NAV2: variants seen among roughly 807,000 people sequenced by gnomAD.
The protein encoded by NAV2 is neuron navigator 2, also known as helicase, APC down-regulated 1.
A neutral mutation model predicts 223.2 loss-of-function variants in NAV2; 54 were observed. That is an observed-to-expected ratio of 0.24 (90% CI 0.19 to 0.30). The LOEUF (loss-of-function observed/expected upper bound fraction) is 0.30, where lower values mean the gene tolerates loss of function less well. Among genes scored for constraint, NAV2 ranks in the 10% least tolerant of loss-of-function variants. The pLI is 1.00. For missense variants in NAV2, 2,806 were observed against 3,147.5 expected, an observed-to-expected ratio of 0.89 and a Z score of 2.60; for synonymous variants, 1,279 against 1,239.3, an observed-to-expected ratio of 1.03 and a Z score of -0.67.
chr11:19,491,222 T>C (rs951180013), intron 1 of NAV2, among the ~76,000 whole-genome samples: 4 of 152,180 alleles, frequency 2.6e-5, no homozygotes, highest in South Asian at 2.1e-4. Flanking sequence ...ACCAGCTATA[T>C]GAACTCTTCA....
intron 16 of NAV2, 24 bp from the exon 17 acceptor site, chr11:20,051,265 A>ATT (rs770402665): frequency 6.2e-7 from 1 of 1,611,314 alleles, no homozygotes. Context: ...TGAAGTTCTT[A>ATT]TTTTTGTTTT....
chr11:19,731,505 G>T (rs2051768402), intron 1 of NAV2, among the ~76,000 whole-genome samples: 1 of 152,232 alleles, frequency 6.6e-6, no homozygotes, highest in African/African-American at 2.4e-5. Context: ...TTGAACAAAA[G>T]AGCAACTATA....
intron 1 of NAV2, among the ~76,000 whole-genome samples, chr11:19,601,231 CACATACCCCAAT>C (rs1209907406): frequency 6.6e-6 from 1 of 152,220 alleles, no homozygotes; most frequent in African/African-American, 2.4e-5. Flanking sequence ...CTATCTCTAT[CACATACCCCAAT>C]TGCTGCTGCT....
intron 1 of NAV2, among the ~76,000 whole-genome samples, chr11:19,729,162 G>A (rs2051515270): frequency 6.6e-6 from 1 of 152,164 alleles, no homozygotes; most frequent in Admixed American, 6.5e-5. Flanking sequence ...ACAAAGACTG[G>A]TCTAGATTAG....
At chr11:20,102,737 G>T (rs749957577) in intron 32 of NAV2, among the ~76,000 whole-genome samples, 1 of 152,010 alleles carries the variant, frequency 6.6e-6, no homozygotes, top group Non-Finnish European at 1.5e-5. Flanking sequence ...GGCATGCAGG[G>T]CTGTGTTCTA....
intron 1 of NAV2, among the ~76,000 whole-genome samples, chr11:19,757,269 C>T (rs1270320869): frequency 2.6e-5 from 4 of 152,102 alleles, no homozygotes; most frequent in Admixed American, 6.5e-5. Context: ...TATAAGGGAG[C>T]GGGCTTGAGA....
chr11:19,493,781 T>G (rs893819713), intron 1 of NAV2, among the ~76,000 whole-genome samples: 1 of 152,216 alleles, frequency 6.6e-6, no homozygotes, highest in Non-Finnish European at 1.5e-5. Flanking sequence ...GCATCTTCTC[T>G]GACCTGGAGG....
chr11:19,647,964 C>G (rs193285006), intron 1 of NAV2, among the ~76,000 whole-genome samples: 179 of 152,290 alleles, frequency 1.2e-3, no homozygotes, highest in African/African-American at 3.9e-3. Context: ...AATGACAACA[C>G]TGAGGCTTAG....
intron 1 of NAV2, among the ~76,000 whole-genome samples, chr11:19,460,787 T>C (rs537485794): frequency 6.6e-6 from 1 of 151,630 alleles, no homozygotes; most frequent in South Asian, 2.1e-4. Context: ...TAAAGTATAA[T>C]AAAAAAAAAT....
At chr11:20,040,829 C>G (rs568415921) in intron 12 of NAV2, among the ~76,000 whole-genome samples, 2 of 152,142 alleles carry the variant, frequency 1.3e-5, no homozygotes, top group African/African-American at 2.4e-5. Flanking sequence ...TCCGCTGTTG[C>G]GAGCTCCAGG....
intron 1 of NAV2, among the ~76,000 whole-genome samples, chr11:19,370,805 C>T (rs1848443112): frequency 6.6e-6 from 1 of 152,174 alleles, no homozygotes; most frequent in African/African-American, 2.4e-5. Context: ...ACAGCTAATG[C>T]TAAGGGGACA....
intron 11 of NAV2, among the ~76,000 whole-genome samples, chr11:20,030,065 T>A (rs1268247416): frequency 6.6e-6 from 1 of 152,238 alleles, no homozygotes; most frequent in East Asian, 1.9e-4. Context: ...AGCCAAGCTC[T>A]GTGTCCCATA....
chr11:19,396,078 G>T (rs889452419), intron 1 of NAV2, among the ~76,000 whole-genome samples: 1 of 152,206 alleles, frequency 6.6e-6, no homozygotes, highest in Non-Finnish European at 1.5e-5. Context: ...TGCATATGAA[G>T]TACCTAGAGC....
intron 1 of NAV2, among the ~76,000 whole-genome samples, chr11:19,363,719 G>T (rs907329061): frequency 6.6e-6 from 1 of 152,208 alleles, no homozygotes; most frequent in South Asian, 2.1e-4. Context: ...AATTTCAGAT[G>T]CCAATTGCAT....
chr11:19,894,968 G>A (rs1050958653), intron 6 of NAV2, among the ~76,000 whole-genome samples: 4 of 151,510 alleles, frequency 2.6e-5, no homozygotes, highest in Non-Finnish European at 1.5e-5. Context: ...AACCTCAGTT[G>A]ATCCGCCCGC....
At chr11:19,668,699 G>T (rs1590063103) in intron 1 of NAV2, among the ~76,000 whole-genome samples, 1 of 152,154 alleles carries the variant, frequency 6.6e-6, no homozygotes, top group East Asian at 1.9e-4. Context: ...TTCAAGGCTA[G>T]GTTGAAGACA....
chr11:19,432,008 G>A (rs1851053423), intron 1 of NAV2, among the ~76,000 whole-genome samples: 2 of 152,114 alleles, frequency 1.3e-5, no homozygotes, highest in Admixed American at 1.3e-4. Flanking sequence ...GACCAGCCTG[G>A]CCAACAGGAT....
At chr11:19,689,876 G>A (rs1371309523) in intron 1 of NAV2, among the ~76,000 whole-genome samples, 3 of 152,212 alleles carry the variant, frequency 2.0e-5, no homozygotes, top group Non-Finnish European at 4.4e-5. Context: ...CCAGATGCAC[G>A]ATACTGACTA....
At chr11:19,988,325 G>C (rs10766615) in intron 11 of NAV2, among the ~76,000 whole-genome samples, 106,161 of 152,100 alleles carry the variant, frequency 0.7, 37,979 homozygotes, top group Middle Eastern at 0.83. Flanking sequence ...TCAGGAGGAG[G>C]ACTTTGGAAC....
Sources: gnomAD v4.1 joint callset for allele counts (sites outside exome capture counted in the v4.1 genomes callset) on GRCh38, gnomAD v4.1.1 for gene constraint, MANE v1.5 for transcripts, NCBI Gene and HGNC (gene_info 2026-07-23, HGNC 2026-07-21) for gene names.